Variants in C1orf21 observed in about 807,000 individuals in gnomAD.
C1orf21 encodes chromosome 1 open reading frame 21.
C1orf21 carries 3 observed loss-of-function variants against 18.7 expected under a neutral mutation model. The observed-to-expected ratio is 0.16, with a 90% CI of 0.07 to 0.42. The LOEUF is 0.42. Among genes scored for constraint, C1orf21 ranks in the 10% least tolerant of loss-of-function variants. C1orf21 has a pLI of 0.99. For synonymous variants in C1orf21, 41 were observed against 46.4 expected, an observed-to-expected ratio of 0.88 and a Z score of 0.47; for missense variants, 104 against 143.6, an observed-to-expected ratio of 0.72 and a Z score of 1.41.
At chr1:184,542,800 GAGA>G (rs1161143840) in intron 3 of C1orf21, among the ~76,000 whole-genome samples, 1 of 152,146 alleles carries the variant, frequency 6.6e-6, no homozygotes, top group Non-Finnish European at 1.5e-5. Context: ...GACCTCTAGG[GAGA>G]AGAAGGAGAG....
intron 1 of C1orf21, among the ~76,000 whole-genome samples, chr1:184,414,053 GC>G (rs1463582539): frequency 6.6e-6 from 1 of 152,178 alleles, no homozygotes; most frequent in Non-Finnish European, 1.5e-5. Context: ...TAGAAGGTGT[GC>G]CTTGAGAACT....
chr1:184,520,470 C>T (rs1336959794), intron 3 of C1orf21, among the ~76,000 whole-genome samples: 1 of 152,176 alleles, frequency 6.6e-6, no homozygotes, highest in African/African-American at 2.4e-5. Flanking sequence ...GTTTCCTTTG[C>T]TTCTCCTGAG....
chr1:184,567,080 G>C (rs1386831544), intron 3 of C1orf21: 1 of 488,546 alleles, frequency 2.0e-6, no homozygotes. Context: ...CCTTGAGAAA[G>C]ACAGTCAGGT....
intron 1 of C1orf21, among the ~76,000 whole-genome samples, chr1:184,460,677 TTCTTCTTC>T: frequency 8.9e-6 from 1 of 112,738 alleles, no homozygotes; most frequent in Non-Finnish European, 2.0e-5. Context: ...CTTCTTCTTC[TTCTTCTTC>T]TTTCTTCTTT....
intron 2 of C1orf21, among the ~76,000 whole-genome samples, chr1:184,496,284 G>T (rs938680629): frequency 1.3e-5 from 2 of 152,156 alleles, no homozygotes; most frequent in Non-Finnish European, 2.9e-5. Context: ...CCTTACAGTG[G>T]GTAATGTGGC....
At chr1:184,567,978 A>C in intron 3 of C1orf21, 1 of 194,194 alleles carries the variant, frequency 5.1e-6, no homozygotes, top group Non-Finnish European at 1.0e-5. Flanking sequence ...TTGAGATGAC[A>C]CCCAGCTGCA....
intron 1 of C1orf21, among the ~76,000 whole-genome samples, chr1:184,421,336 G>T (rs1371080387): frequency 6.6e-6 from 1 of 152,162 alleles, no homozygotes; most frequent in Non-Finnish European, 1.5e-5. Context: ...GAACTCCTGG[G>T]CTCAAGCAGT....
intron 3 of C1orf21, among the ~76,000 whole-genome samples, chr1:184,538,184 G>C (rs1193452018): frequency 6.6e-6 from 1 of 152,120 alleles, no homozygotes; most frequent in African/African-American, 2.4e-5. Flanking sequence ...GTAATTCATT[G>C]TAGTTTCAAA....
rs146421114 is a variant in C1orf21 at position 184,532,903 on chromosome 1, G to A, written c.189+25221G>A. The stretch of plus-strand genomic sequence containing the variant: ...AGGTCACTTCATTTTGAGGTTTGGC[G>A]TCTTCATCCATATATTGAAGAGGTG... On this transcript the variant is annotated intron_variant, in intron 3 of 5. Transcript: ENST00000235307. 3.9e-5 allele frequency among the ~76,000 whole-genome samples: 6 copies of A among 152,244 alleles called. No homozygotes were observed. The East Asian group carries it at 7.7e-4, about 20-fold the overall frequency.
chr1:184,541,103 AGTTG>A (rs1348644168), intron 3 of C1orf21, among the ~76,000 whole-genome samples: 1 of 152,162 alleles, frequency 6.6e-6, no homozygotes, highest in Non-Finnish European at 1.5e-5. Flanking sequence ...AACCCCACAT[AGTTG>A]GGGGTGGGTA....
Position 184,621,816 on chromosome 1 carries a change from A to C in C1orf21, c.*2260A>C, listed in dbSNP as rs1007533179. 1 of 152,214 alleles carries C rather than the reference A, an allele frequency of 6.6e-6. No individual in the cohort carries two copies. The highest frequency in any genetic ancestry group is 1.5e-5 in the Non-Finnish European group (1 of 68,044). The allele number at this position is 152,214 out of a possible 1,614,324, so 9.4% of individuals were successfully genotyped here. The stretch of plus-strand genomic sequence containing the variant: ...GGAAGTGGTGTTGCCCTGAACCAGC[A>C]GATTTTCACCTGGGTTCTGGCTCCG... On this transcript the variant is annotated 3_prime_UTR_variant, in exon 6 of 6. Coordinates refer to ENST00000235307, the MANE Select transcript of C1orf21 (RefSeq NM_030806.4).
intron 1 of C1orf21, among the ~76,000 whole-genome samples, chr1:184,417,771 C>T (rs1004986417): frequency 6.6e-6 from 1 of 152,228 alleles, no homozygotes; most frequent in Non-Finnish European, 1.5e-5. Flanking sequence ...CTTGCCACCT[C>T]CCATCTTGGA....
intron 5 of C1orf21, among the ~76,000 whole-genome samples, chr1:184,600,067 G>A (rs1020053383): frequency 2.8e-4 from 43 of 152,174 alleles, no homozygotes; most frequent in Non-Finnish European, 5.9e-4. Context: ...TTGCGTAGTA[G>A]TTAGGGGTAG....
intron 1 of C1orf21, among the ~76,000 whole-genome samples, chr1:184,395,362 T>C (rs1352048065): frequency 1.3e-5 from 2 of 152,108 alleles, no homozygotes; most frequent in Non-Finnish European, 2.9e-5. Context: ...TTCTTTAATA[T>C]AATGAGGAAG....
chr1:184,577,947 G>GTTTTTTTTTT lies in C1orf21; in HGVS notation c.190-12787_190-12786insTTTTTTTTTT, dbSNP rs201196718. Among the ~76,000 whole-genome samples the GTTTTTTTTTT allele has an allele frequency of 2.3e-4, 20 of 86,748 alleles. 1 individual carries two copies. The highest frequency in any genetic ancestry group is 6.1e-4 in the African/African-American group (11 of 18,096). The allele number at this position is 86,748 out of a possible 152,430, so 56.9% of individuals were successfully genotyped here. ...TCTTTGTCCGTTTGTTTTTTGTTTT[G>GTTTTTTTTTT]TTTTTGTTTTTTTTTTTTTTTTTTG... is the stretch of plus-strand genomic sequence containing the variant. On this transcript the variant is annotated intron_variant, in intron 3 of 5. Coordinates refer to ENST00000235307, the MANE Select transcript of C1orf21 (RefSeq NM_030806.4).
At chr1:184,404,587 A>T (rs928044721) in intron 1 of C1orf21, among the ~76,000 whole-genome samples, 7 of 152,072 alleles carry the variant, frequency 4.6e-5, no homozygotes, top group African/African-American at 1.7e-4. Context: ...TGGTGTAATC[A>T]CCTCTTTAAA....
intron 1 of C1orf21, among the ~76,000 whole-genome samples, chr1:184,436,215 G>C (rs1236284154): frequency 6.6e-6 from 1 of 152,196 alleles, no homozygotes; most frequent in East Asian, 1.9e-4. Flanking sequence ...ACTTGTTGGA[G>C]GAAGGTAGGA....
intron 1 of C1orf21, among the ~76,000 whole-genome samples, chr1:184,460,614 GTCGTCGTCTTCTTCTTCTTCT>G (rs1200846611): frequency 0.02 from 2,507 of 127,218 alleles, 36 homozygotes; most frequent in Non-Finnish European, 0.022. Context: ...TAGTATTGTC[GTCGTCGTCTTCTTCTTCTTCT>G]TCTTCTTCTT....
At chr1:184,583,011 G>C (rs1659298282) in intron 3 of C1orf21, among the ~76,000 whole-genome samples, 1 of 152,022 alleles carries the variant, frequency 6.6e-6, no homozygotes, top group African/African-American at 2.4e-5. Flanking sequence ...GCTAAATTTT[G>C]TATTTTTAGT....
Sources: allele counts gnomAD v4.1 joint callset (sites outside exome capture counted in the v4.1 genomes callset), GRCh38; gene constraint gnomAD v4.1.1; transcripts MANE v1.5; gene names NCBI Gene and HGNC (gene_info 2026-07-23, HGNC 2026-07-21).